PIGS: variants seen among roughly 807,000 people sequenced by gnomAD.
The protein encoded by PIGS is phosphatidylinositol glycan anchor biosynthesis class S.
A neutral mutation model predicts 58.2 loss-of-function variants in PIGS; 37 were observed. That is an observed-to-expected ratio of 0.64 (90% confidence interval 0.49 to 0.84). The LOEUF is 0.84. Ranked by LOEUF, PIGS falls within the 40% of genes least tolerant of loss-of-function variation. The pLI is 0.00. For synonymous variants in PIGS, 269 were observed against 289.2 expected (o/e 0.93, Z 0.71); for missense variants, 629 against 710.8 (o/e 0.88, Z 1.31).
chr17:28,557,561 T>C (rs576464836), intron 8 of PIGS: 1 of 152,918 alleles, frequency 6.5e-6, no homozygotes, highest in Non-Finnish European at 1.5e-5. Flanking sequence ...AGCACTGTCA[T>C]AAGGTAGTCC....
At chr17:28,554,609 A>G in intron 11 of PIGS, 114 bp from the exon 12 acceptor site, 3 of 1,363,088 alleles carry the variant, frequency 2.2e-6, no homozygotes, top group Non-Finnish European at 3.0e-6. Flanking sequence ...GAGTTCATCC[A>G]GGATCTATGG....
chr17:28,556,248 T>C lies in PIGS; in HGVS notation c.1099A>G (p.Lys367Glu). 1 of 1,612,086 alleles carries C rather than the reference T, an allele frequency of 6.2e-7. No individual in the cohort carries two copies. Among genetic ancestry groups the C allele is most frequent in the South Asian group, 1.1e-5 (1 of 91,048 alleles). Reference sequence around the variant, plus strand: ...GGCAGCACTGAGGCATTATAGGTTTTGGAGTCAACATTATATACCTGAAAG... The same window carrying C: ...GGCAGCACTGAGGCATTATAGGTTTCGGAGTCAACATTATATACCTGAAAG... ...GGIMVYNVDSKTYNASVLPVR... is the reference protein window; with the variant it reads ...GGIMVYNVDSETYNASVLPVR... Residue 367 changes from lysine (K) to glutamate (E), a missense_variant, in exon 10 of 12, where the codon AAA becomes GAA. Transcript: ENST00000308360.
chr17:28,554,900 AGCTGCG>A lies in PIGS; in HGVS notation c.1337_1342del (p.Ala446_Leu448delinsVal), dbSNP rs1234944907. ...GACAATGTTGCTGATCTTGCCCAGA[AGCTGCG>A]CCAGGGAGGTAAGGGTGGTGGTGGC... On this transcript the variant is annotated inframe_deletion, in exon 11 of 12. Transcript: ENST00000308360. 6.2e-7 allele frequency: 1 copy of A among 1,614,162 alleles called. No individual in the cohort carries two copies. Among genetic ancestry groups the A allele is most frequent in the Admixed American group, 1.7e-5 (1 of 60,012 alleles).
Position 28,561,413 on chromosome 17 carries a change from G to A in PIGS, c.676+9C>T. The stretch of plus-strand genomic sequence containing the variant: ...CTCTCCCTTCATGTGGCAGAGCCTG[G>A]TGCCCTACCCAAGCTGGACTTGAGA... On this transcript the variant is annotated intron_variant, in intron 6 of 11. Transcript: ENST00000308360. 1 of 1,613,666 alleles carries A rather than the reference G, an allele frequency of 6.2e-7. No homozygotes were observed. The highest frequency in any genetic ancestry group is 2.2e-5 in the East Asian group (1 of 44,880).
At chr17:28,559,530 C>T (rs1297142332) in intron 7 of PIGS, among the ~76,000 whole-genome samples, 1 of 150,992 alleles carries the variant, frequency 6.6e-6, no homozygotes, top group Admixed American at 6.6e-5. Flanking sequence ...GGTGAAAACC[C>T]GTCTCTACTA....
chr17:28,567,239 T>C (rs1436034265), intron 3 of PIGS, among the ~76,000 whole-genome samples: 1 of 152,164 alleles, frequency 6.6e-6, no homozygotes, highest in Non-Finnish European at 1.5e-5. Context: ...CAATAGGAAG[T>C]ACACTGCACC....
rs778022172 is a variant in PIGS, at chr17:28,554,221, C to T, written c.1667G>A (p.Ter556=). Reference sequence around the variant, plus strand: ...CTTCCTATGGAGGTGCTGCCCTGCTCAGTCTGTCTTCTCAGGCTTTCTCCA... The same window carrying T: ...CTTCCTATGGAGGTGCTGCCCTGCTTAGTCTGTCTTCTCAGGCTTTCTCCA... ...KSWRKPEKTD[*] is the part of the protein sequence containing the mutation. Residue 556 remains the stop codon, a stop_retained_variant, in exon 12 of 12, where the codon TGA becomes TAA. Transcript: ENST00000308360. 9.0e-5 allele frequency: 146 copies of T among 1,613,816 alleles called. 1 individual carries two copies. The Admixed American group carries it at 2.4e-3, about 27-fold the overall frequency.
In PIGS at chr17:28,554,202, A is replaced by T. The variant is rs1173839767; in HGVS notation, c.*18T>A. On this transcript the variant is annotated 3_prime_UTR_variant, in exon 12 of 12. Coordinates refer to ENST00000308360, the MANE Select transcript of PIGS (RefSeq NM_033198.4). ...CCTTGGCCAGAAAGGAAGGCTTCCT[A>T]TGGAGGTGCTGCCCTGCTCAGTCTG... 6.2e-7 allele frequency: 1 copy of T among 1,611,526 alleles called. No individual in the cohort carries two copies. Among genetic ancestry groups the T allele is most frequent in the Non-Finnish European group, 8.5e-7 (1 of 1,178,466 alleles).
chr17:28,555,721 A>C (rs1330206344), intron 10 of PIGS: 1 of 177,626 alleles, frequency 5.6e-6, no homozygotes, highest in African/African-American at 2.4e-5. Context: ...CTGTAATCCC[A>C]GCACTTTGGG....
At chr17:28,561,339 G>T in intron 6 of PIGS, 83 bp downstream of exon 6, 1 of 1,268,630 alleles carries the variant, frequency 7.9e-7, no homozygotes, top group African/African-American at 1.5e-5. Flanking sequence ...GAAGAAAGGA[G>T]AAAGAAGTTG....
Position 28,553,775 on chromosome 17 carries a change from AG to A in PIGS, c.*444del, listed in dbSNP as rs2070305756. On this transcript the variant is annotated 3_prime_UTR_variant, in exon 12 of 12. Transcript: ENST00000308360. ...AGGGGAGTGAGGGAGAAGGTCCCACAGGTGACCAATGCCTGGCCCCTTCATG... is the reference window on the plus strand; with the variant it reads ...AGGGGAGTGAGGGAGAAGGTCCCACAGTGACCAATGCCTGGCCCCTTCATG... 5.4e-6 allele frequency: 1 copy of A among 186,396 alleles called. No individual in the cohort carries two copies. Among genetic ancestry groups the A allele is most frequent in the South Asian group, 1.1e-4 (1 of 9,268 alleles). 11.5% of individuals were successfully genotyped at this position (186,396 alleles called of 1,614,324 possible). A position where few individuals can be genotyped will look rare whatever the true frequency, so the allele number is the denominator to read the frequency against.
rs3815352 is a variant in PIGS, at chr17:28,564,194, A to G, written c.287-287T>C. ...CTATTTCAATAGTCATTACATTAATAGGCAAAAGGAGAAAAACTGTATGGT... is the reference window on the plus strand; with the variant it reads ...CTATTTCAATAGTCATTACATTAATGGGCAAAAGGAGAAAAACTGTATGGT... On this transcript the variant is annotated intron_variant, in intron 3 of 11. Coordinates refer to ENST00000308360, the MANE Select transcript of PIGS (RefSeq NM_033198.4). 3.7e-4 allele frequency among the ~76,000 whole-genome samples: 57 copies of G among 152,366 alleles called. 1 individual carries two copies. The East Asian group carries it at 8.9e-3, about 24-fold the overall frequency.
chr17:28,567,222 T>A (rs932481853), intron 3 of PIGS, among the ~76,000 whole-genome samples: 3 of 152,148 alleles, frequency 2.0e-5, no homozygotes, highest in Non-Finnish European at 4.4e-5. Flanking sequence ...TGCTTCAGGA[T>A]ACAACACAAT....
intron 5 of PIGS, 102 bp downstream of exon 5, chr17:28,563,329 A>C: frequency 9.7e-7 from 1 of 1,031,128 alleles, no homozygotes; most frequent in Non-Finnish European, 1.5e-6. Flanking sequence ...AGTTTTCTGT[A>C]GCAAATGGAA....
intron 3 of PIGS, among the ~76,000 whole-genome samples, chr17:28,569,192 C>A (rs1161011511): frequency 1.3e-5 from 2 of 149,904 alleles, no homozygotes; most frequent in Non-Finnish European, 1.5e-5. Flanking sequence ...AATGTTTTAA[C>A]CAGCCGGGTG....
intron 3 of PIGS, among the ~76,000 whole-genome samples, 172 bp from the exon 4 acceptor site, chr17:28,564,079 T>G (rs1436740762): frequency 2.0e-5 from 3 of 152,138 alleles, no homozygotes; most frequent in Non-Finnish European, 4.4e-5. Context: ...ATCAAACACA[T>G]GACACCCATT....
In PIGS at chr17:28,555,031, C is replaced by G; in HGVS notation, c.1212G>C (p.Leu404=). ...RLLFGIAQPQ[L]PPKCLLSGPT... is the part of the protein sequence containing the mutation. ...GCCCTGAAAGCAGGCATTTTGGAGG[C>G]AGCTGGGGCTGAGCAATCCCAAAGA... The change falls in exon 11 of 12, where the codon CTG becomes CTC. Residue 404 remains leucine, a synonymous_variant. Transcript: ENST00000308360. The G allele has an allele frequency of 6.2e-7, 1 of 1,611,822 alleles. No homozygotes were observed. The highest frequency in any genetic ancestry group is 8.5e-7 in the Non-Finnish European group (1 of 1,178,962).
intron 3 of PIGS, among the ~76,000 whole-genome samples, chr17:28,568,501 G>C (rs996680557): frequency 6.6e-6 from 1 of 152,270 alleles, no homozygotes; most frequent in Non-Finnish European, 1.5e-5. Context: ...AATACTTGTT[G>C]AATAAATGAA....
chr17:28,571,374 G>T, intron 1 of PIGS, 89 bp downstream of exon 1: 1 of 1,557,612 alleles, frequency 6.4e-7, no homozygotes, highest in Non-Finnish European at 8.7e-7. Context: ...CCCCGTCCGC[G>T]GGACCTCTCG....
Sources: gnomAD v4.1 joint callset for allele counts (sites outside exome capture counted in the v4.1 genomes callset) on GRCh38, gnomAD v4.1.1 for gene constraint, MANE v1.5 for transcripts, NCBI Gene and HGNC (gene_info 2026-07-23, HGNC 2026-07-21) for gene names.